The following PLCD4 variants were observed in gnomAD, a reference collection of about 807,000 sequenced individuals.
PLCD4 encodes phospholipase C delta 4, also known as 1-phosphatidylinositol 4,5-bisphosphate phosphodiesterase delta-4.
Under a neutral mutation model 90.2 loss-of-function variants are expected in PLCD4, and 63 were observed. The observed-to-expected ratio is 0.70, with a 90% CI of 0.57 to 0.86. PLCD4 has a LOEUF of 0.86. Among genes scored for constraint, PLCD4 ranks in the 40% least tolerant of loss-of-function variants. The pLI is 0.00. For synonymous variants in PLCD4, 294 were observed against 356.5 expected (o/e 0.82, Z 1.97); for missense variants, 830 against 956.3 (o/e 0.87, Z 1.74).
chr2:218,610,724 CT>C (rs966459332), intron 1 of PLCD4, among the ~76,000 whole-genome samples: 22 of 148,336 alleles, frequency 1.5e-4, no homozygotes, highest in East Asian at 1.4e-3. Context: ...GACCTGGGTT[CT>C]TTTTTTTTTC....
In PLCD4 at chr2:218,632,264, TG is replaced by T. The variant is rs1696415431; in HGVS notation, c.1402del (p.Glu468SerfsTer33). ...ELALESQFETEPEPQEQNLQN... is the reference protein window; with the variant it reads ...ELALESQFETXPEPQEQNLQN... ...TGGCGCTGGAGTCCCAGTTTGAGAC[TG>T]AGCCTGAGCCCCAGGAGCAGAACCT... On this transcript the variant is annotated frameshift_variant, in exon 10 of 16. Transcript: ENST00000450993. LOFTEE classifies it high-confidence loss of function. The T allele has an allele frequency of 1.2e-6, 2 of 1,611,490 alleles. No homozygotes were observed. Among genetic ancestry groups the T allele is most frequent in the Non-Finnish European group, 8.5e-7 (1 of 1,178,870 alleles).
intron 5 of PLCD4, chr2:218,622,035 AT>A (rs1695903486): frequency 6.7e-6 from 1 of 148,852 alleles, no homozygotes; most frequent in Admixed American, 7.0e-5. Context: ...AGCCGAGATC[AT>A]GCCACTGCAC....
intron 7 of PLCD4, 89 bp from the exon 8 acceptor site, chr2:218,629,430 C>A: frequency 6.8e-7 from 1 of 1,468,292 alleles, no homozygotes; most frequent in Non-Finnish European, 9.2e-7. Context: ...TGCTGGTGAG[C>A]ACTGTTCTCT....
chr2:218,621,773 C>T (rs759844990), intron 5 of PLCD4, among the ~76,000 whole-genome samples, 174 bp downstream of exon 5: 1 of 152,158 alleles, frequency 6.6e-6, no homozygotes, highest in African/African-American at 2.4e-5. Flanking sequence ...TCTTGCCTTT[C>T]AGTCTTGTTG....
Position 218,630,713 on chromosome 2 carries a change from A to G in PLCD4, c.1183A>G (p.Met395Val), listed in dbSNP as rs1696323144. 6.2e-7 allele frequency: 1 copy of G among 1,613,898 alleles called. No individual in the cohort carries two copies. The highest frequency in any genetic ancestry group is 1.1e-5 in the South Asian group (1 of 91,088). ...CTGCAGCTGGGAGCAGCAGCAGACCATGGCCCGTCATCTGACTGAGATCCT... is the reference window on the plus strand; with the variant it reads ...CTGCAGCTGGGAGCAGCAGCAGACCGTGGCCCGTCATCTGACTGAGATCCT... ...THCSWEQQQT[M>V]ARHLTEILGE... The change falls in exon 9 of 16, where the codon ATG (methionine) becomes GTG (valine). Residue 395 changes from methionine (M) to valine (V), a missense_variant. Physicochemically the swap from Met to Val is conservative, Grantham distance 21. Transcript: ENST00000450993.
chr2:218,612,632 C>T (rs544551709), intron 1 of PLCD4, among the ~76,000 whole-genome samples: 1 of 152,068 alleles, frequency 6.6e-6, no homozygotes, highest in Non-Finnish European at 1.5e-5. Context: ...ATTAGCCAGG[C>T]GTGGTGGCTC....
intron 7 of PLCD4, 42 bp downstream of exon 7, chr2:218,628,272 C>A (rs763423184): frequency 6.3e-7 from 1 of 1,578,750 alleles, no homozygotes; most frequent in Non-Finnish European, 8.7e-7. Context: ...ATGAGAGGGA[C>A]CATGTAGAAA....
At chr2:218,608,661 CGA>C (rs989733973) in intron 1 of PLCD4, among the ~76,000 whole-genome samples, 7 of 152,110 alleles carry the variant, frequency 4.6e-5, no homozygotes, top group African/African-American at 1.7e-4. Flanking sequence ...ATCTGTGATA[CGA>C]GAGAGTTTAG....
intron 13 of PLCD4, 48 bp from the exon 14 acceptor site, chr2:218,635,748 G>A (rs776828257): frequency 4.3e-5 from 69 of 1,588,558 alleles, no homozygotes; most frequent in Non-Finnish European, 2.5e-5. Context: ...GGGTCGGGTG[G>A]GGCTGGGCTG....
intron 1 of PLCD4, among the ~76,000 whole-genome samples, chr2:218,612,721 G>C (rs1009267965): frequency 4.6e-5 from 7 of 152,162 alleles, no homozygotes; most frequent in Admixed American, 2.0e-4. Flanking sequence ...GCAGTGAGCT[G>C]AGATGGTGCC....
intron 4 of PLCD4, among the ~76,000 whole-genome samples, chr2:218,619,483 C>T (rs1330120358): frequency 4.0e-5 from 6 of 151,860 alleles, no homozygotes; most frequent in Admixed American, 1.3e-4. Flanking sequence ...TTTGAAGAGA[C>T]GGGGTTTCAC....
chr2:218,631,444 G>A (rs191428936), intron 9 of PLCD4, among the ~76,000 whole-genome samples: 4 of 152,184 alleles, frequency 2.6e-5, no homozygotes, highest in Non-Finnish European at 4.4e-5. Context: ...GATTACAGGC[G>A]TGAGCTACTG....
intron 3 of PLCD4, among the ~76,000 whole-genome samples, chr2:218,617,154 C>T (rs1408068298): frequency 3.4e-5 from 5 of 145,194 alleles, no homozygotes; most frequent in Non-Finnish European, 7.6e-5. Context: ...TTAGTAGAGG[C>T]GGGGTTTCAC....
At chr2:218,611,720 T>C (rs1274257023) in intron 1 of PLCD4, among the ~76,000 whole-genome samples, 1 of 152,104 alleles carries the variant, frequency 6.6e-6, no homozygotes, top group African/African-American at 2.4e-5. Context: ...TGCCTCAGCC[T>C]CACGAGTAGC....
At position 218,618,470 on chromosome 2, in the gene PLCD4, G is replaced by T. The variant is rs1295395091; in HGVS notation, c.182-109G>T. 3.2e-6 allele frequency: 3 copies of T among 932,700 alleles called. No homozygotes were observed. The East Asian group carries it at 7.9e-5, about 24-fold the overall frequency. The allele number at this position is 932,700 out of a possible 1,614,324, so 57.8% of individuals were successfully genotyped here. A position where few individuals can be genotyped will look rare whatever the true frequency, so the allele number is the denominator to read the frequency against. ...TGGGATTCAGCCTGCAGAGGCTGGGGTTCTTTTCTATGGTGTCATGGAGAA... is the reference window on the plus strand; with the variant it reads ...TGGGATTCAGCCTGCAGAGGCTGGGTTTCTTTTCTATGGTGTCATGGAGAA... On this transcript the variant is annotated intron_variant, in intron 3 of 15. Transcript: ENST00000450993.
rs747363837 is a variant in PLCD4, at chr2:218,634,576, T to C, written c.1842T>C (p.Ser614=). ...KPDFLRDIQS[S]FHPEKPISPF... is the part of the protein sequence containing the mutation. ...ACTTCCTGCGTGATATCCAGAGTTC[T>C]TTCCACCCTGAGAAGCCCATCAGCC... Residue 614 remains serine, a synonymous_variant, in exon 13 of 16, where the codon TCT becomes TCC. Transcript: ENST00000450993. This position sits in a 1 kb window ranked among gnomAD's most constrained non-coding sequence, Gnocchi z 4.0. The C allele has an allele frequency of 1.2e-5, 19 of 1,613,934 alleles. No homozygotes were observed. In the East Asian group the frequency reaches 4.0e-4, roughly 34 times the overall value.
At chr2:218,627,680 T>C (rs1051722341) in intron 6 of PLCD4, among the ~76,000 whole-genome samples, 1 of 151,566 alleles carries the variant, frequency 6.6e-6, no homozygotes, top group African/African-American at 2.4e-5. Flanking sequence ...GCCCGGCTAA[T>C]TTTTTGTATT....
chr2:218,633,213 T>C lies in PLCD4; in HGVS notation c.1450-392T>C. The C allele has an allele frequency of 5.0e-6, 3 of 594,740 alleles. 1 individual carries two copies. Among genetic ancestry groups the C allele is most frequent in the South Asian group, 4.3e-5 (2 of 46,842 alleles). 36.8% of individuals were successfully genotyped at this position (594,740 alleles called of 1,614,324 possible). A position where few individuals can be genotyped will look rare whatever the true frequency, so the allele number is the denominator to read the frequency against. ...TCATGTACATTTTGACCAAAGGTTA[T>C]TGTTCCTTTGTTTTAAATGAGAGGG... On this transcript the variant is annotated intron_variant, in intron 10 of 15. Coordinates refer to ENST00000450993, the MANE Select transcript of PLCD4 (RefSeq NM_032726.4).
rs1696594126 is a variant in PLCD4 at position 218,634,466 on chromosome 2, A to G, written c.1732A>G (p.Asn578Asp). 6.2e-7 allele frequency: 1 copy of G among 1,612,604 alleles called. No homozygotes were observed. ...TCTCCTGGGGCCCTCAGTGGCCATG[A>G]ATATGCAGACTGCAGGGCTTGAAAT... The part of the protein sequence containing the change: ...WNAGCQMVAM[N>D]MQTAGLEMDI... Residue 578 changes from asparagine to aspartate, a missense_variant, in exon 13 of 16, where the codon AAT becomes GAT. By Grantham distance (23) the Asn-to-Asp change is conservative (BLOSUM62 1). Transcript: ENST00000450993. This position sits in a 1 kb window ranked among gnomAD's most constrained non-coding sequence, Gnocchi z 4.0.
Sources: allele counts gnomAD v4.1 joint callset (sites outside exome capture counted in the v4.1 genomes callset), GRCh38; gene constraint gnomAD v4.1.1; non-coding constraint Gnocchi (gnomAD v3.1); transcripts MANE v1.5; gene names NCBI Gene and HGNC (gene_info 2026-07-23, HGNC 2026-07-21).